MSRA: variants seen among roughly 807,000 people sequenced by gnomAD.
The protein encoded by MSRA is methionine sulfoxide reductase A.
MSRA carries 54 observed loss-of-function variants against 31.3 expected under a neutral mutation model. The observed-to-expected ratio is 1.73, with a 90% confidence interval of 1.39 to 2.17. The LOEUF is 2.17. Ranked by LOEUF, MSRA falls within the 30% of genes most tolerant of loss-of-function variation. The pLI is 0.00. For synonymous variants in MSRA, 169 were observed against 116.5 expected (o/e 1.45, Z -2.90); for missense variants, 507 against 300.9 (o/e 1.69, Z -5.07).
At chr8:10,391,690 A>G (rs1806758971) in intron 5 of MSRA, among the ~76,000 whole-genome samples, 1 of 152,146 alleles carries the variant, frequency 6.6e-6, no homozygotes, top group Admixed American at 6.5e-5. Context: ...GTTCTTCTAC[A>G]CGAGCACGCC....
At chr8:10,127,973 A>C (rs1223208647) in intron 1 of MSRA, among the ~76,000 whole-genome samples, 1 of 152,106 alleles carries the variant, frequency 6.6e-6, no homozygotes, top group African/African-American at 2.4e-5. Context: ...AGTGTTTCAC[A>C]CTGGGGCAAG....
At chr8:10,345,124 A>G (rs1368663491) in intron 5 of MSRA, among the ~76,000 whole-genome samples, 4 of 152,104 alleles carry the variant, frequency 2.6e-5, no homozygotes, top group Non-Finnish European at 4.4e-5. Flanking sequence ...GCTGAACCCC[A>G]ATTCCAAGAG....
intron 2 of MSRA, among the ~76,000 whole-genome samples, chr8:10,227,972 C>A (rs1344726446): frequency 3.3e-5 from 5 of 152,134 alleles, no homozygotes; most frequent in Admixed American, 2.0e-4. Flanking sequence ...ATTCATCTTC[C>A]TTGTTCCTAG....
intron 1 of MSRA, among the ~76,000 whole-genome samples, chr8:10,112,129 C>G (rs1388874628): frequency 6.6e-6 from 1 of 152,124 alleles, no homozygotes; most frequent in Non-Finnish European, 1.5e-5. Flanking sequence ...CAAGTCCCAG[C>G]TTTTATCCAC....
chr8:10,175,218 C>G (rs1375309249), intron 1 of MSRA, among the ~76,000 whole-genome samples: 3 of 152,154 alleles, frequency 2.0e-5, no homozygotes, highest in Admixed American at 6.5e-5. Context: ...TTCCCTGAAA[C>G]CTTCCCAGCC....
At chr8:10,109,053 A>G (rs1800094177) in intron 1 of MSRA, among the ~76,000 whole-genome samples, 1 of 152,000 alleles carries the variant, frequency 6.6e-6, no homozygotes, top group African/African-American at 2.4e-5. Context: ...AATTAGATCA[A>G]CTCTCTAGGT....
At chr8:10,274,052 C>T (rs1799188227) in intron 3 of MSRA, among the ~76,000 whole-genome samples, 1 of 152,118 alleles carries the variant, frequency 6.6e-6, no homozygotes, top group African/African-American at 2.4e-5. Flanking sequence ...TCATGTGTCC[C>T]TCCGGCGCCC....
In MSRA at chr8:10,116,477, C is replaced by T. The variant is rs892717213; in HGVS notation, c.142+61819C>T. The stretch of plus-strand genomic sequence containing the variant: ...CTCCTGTATGCTGAACGCCATGCTA[C>T]GCTCTGCGGTACAGAGAACAAAGAG... On this transcript the variant is annotated intron_variant, in intron 1 of 5. Coordinates refer to ENST00000317173, the MANE Select transcript of MSRA (RefSeq NM_012331.5). Among the ~76,000 whole-genome samples the T allele has an allele frequency of 1.7e-4, 26 of 152,182 alleles. 1 individual carries two copies. The highest frequency in any genetic ancestry group is 4.3e-4 in the African/African-American group (18 of 41,444).
At chr8:10,249,151 GA>G (rs1455254584) in intron 3 of MSRA, among the ~76,000 whole-genome samples, 1 of 152,160 alleles carries the variant, frequency 6.6e-6, no homozygotes, top group Non-Finnish European at 1.5e-5. Flanking sequence ...CTCGTGTTCT[GA>G]TCCATACTCT....
intron 2 of MSRA, among the ~76,000 whole-genome samples, chr8:10,223,246 AGT>A (rs1417838975): frequency 6.6e-6 from 1 of 152,190 alleles, no homozygotes; most frequent in Non-Finnish European, 1.5e-5. Context: ...TCATGTTGAA[AGT>A]GTGCATTGGA....
chr8:10,239,499 A>G (rs1056674700), intron 2 of MSRA, among the ~76,000 whole-genome samples: 1 of 152,338 alleles, frequency 6.6e-6, no homozygotes, highest in Non-Finnish European at 1.5e-5. Context: ...GCAAATATTT[A>G]TATACTTTGT....
rs1585741976 is a variant in MSRA, at chr8:10,420,598, G to C, written c.544-7550G>C. Among the ~76,000 whole-genome samples, 3 of 152,156 alleles carry C rather than the reference G, an allele frequency of 2.0e-5. No individual in the cohort carries two copies. The East Asian group carries it at 5.8e-4, about 30-fold the overall frequency. On this transcript the variant is annotated intron_variant, in intron 5 of 5. Coordinates refer to ENST00000317173, the MANE Select transcript of MSRA (RefSeq NM_012331.5). ...GATGATGCGGGCCTCTTTCCATATG[G>C]TCTCGGATCTGCAGAGTTACTAACC...
At chr8:10,067,325 C>G (rs184187096) in intron 1 of MSRA, among the ~76,000 whole-genome samples, 2 of 152,114 alleles carry the variant, frequency 1.3e-5, no homozygotes, top group African/African-American at 4.8e-5. Flanking sequence ...ATTTGAGGAG[C>G]CTTCATGTCT....
At chr8:10,313,647 T>C (rs976732473) in intron 4 of MSRA, among the ~76,000 whole-genome samples, 5 of 152,218 alleles carry the variant, frequency 3.3e-5, no homozygotes, top group African/African-American at 7.2e-5. Context: ...TTGTTGTTGT[T>C]GTCGTCAGTG....
intron 5 of MSRA, among the ~76,000 whole-genome samples, chr8:10,350,121 A>G (rs1804034836): frequency 6.6e-6 from 1 of 152,210 alleles, no homozygotes; most frequent in Admixed American, 6.5e-5. Context: ...CTTGTGTGAA[A>G]TCATTAGCCA....
At position 10,272,021 on chromosome 8, in the gene MSRA, T is replaced by A. The variant is rs1355551459; in HGVS notation, c.331+26798T>A. Among the ~76,000 whole-genome samples the A allele has an allele frequency of 5.3e-5, 8 of 152,188 alleles. No individual in the cohort carries two copies. The South Asian group carries it at 1.0e-3, about 20-fold the overall frequency. ...CTGTGCCCGGCCAGGTACTCTTTTTTAAAAATCCTCCAATTTAGCCCCTTT... is the reference window on the plus strand; with the variant it reads ...CTGTGCCCGGCCAGGTACTCTTTTTAAAAAATCCTCCAATTTAGCCCCTTT... On this transcript the variant is annotated intron_variant, in intron 3 of 5. Transcript: ENST00000317173.
chr8:10,059,460 T>C (rs1018223494), intron 1 of MSRA, among the ~76,000 whole-genome samples: 1 of 152,340 alleles, frequency 6.6e-6, no homozygotes, highest in South Asian at 2.1e-4. Context: ...AGTTTGGCTA[T>C]AGAGTTTCTG....
intron 5 of MSRA, among the ~76,000 whole-genome samples, chr8:10,383,070 C>T (rs567591613): frequency 2.0e-5 from 3 of 152,332 alleles, no homozygotes; most frequent in Non-Finnish European, 4.4e-5. Context: ...ATGCTGTGTT[C>T]ACCCACCTGA....
intron 5 of MSRA, among the ~76,000 whole-genome samples, chr8:10,377,224 C>T (rs759752561): frequency 6.6e-6 from 1 of 152,278 alleles, no homozygotes; most frequent in Non-Finnish European, 1.5e-5. Context: ...GGCCAGTTCA[C>T]CTGCGTGGCT....
Sources: gnomAD v4.1 joint callset for allele counts (sites outside exome capture counted in the v4.1 genomes callset) on GRCh38, gnomAD v4.1.1 for gene constraint, MANE v1.5 for transcripts, NCBI Gene and HGNC (gene_info 2026-07-23, HGNC 2026-07-21) for gene names.